Variants in DLGAP2 observed in about 807,000 individuals in gnomAD.
DLGAP2 encodes DLG associated protein 2.
In DLGAP2, 26 loss-of-function variants were observed where a neutral mutation model predicts 100.3. That is an observed-to-expected ratio of 0.26 (90% confidence interval 0.19 to 0.36). The LOEUF (loss-of-function observed/expected upper bound fraction) is 0.36. Among genes scored for constraint, DLGAP2 ranks in the 10% least tolerant of loss-of-function variants. DLGAP2 has a pLI of 1.00. For synonymous variants in DLGAP2, 886 were observed against 630.1 expected (o/e 1.41, Z -6.08); for missense variants, 1,858 against 1,453.2 (o/e 1.28, Z -4.53).
At chr8:1,277,575 A>T (rs1799728388) in intron 3 of DLGAP2, among the ~76,000 whole-genome samples, 1 of 152,224 alleles carries the variant, frequency 6.6e-6, no homozygotes, top group South Asian at 2.1e-4. Context: ...AGCCCAGCAG[A>T]TGAGTATCCC....
At chr8:782,077 G>C (rs1821704450) in intron 1 of DLGAP2, among the ~76,000 whole-genome samples, 1 of 152,008 alleles carries the variant, frequency 6.6e-6, no homozygotes, top group Non-Finnish European at 1.5e-5. Context: ...AGAAAAATTT[G>C]AATGTTTCTA....
intron 3 of DLGAP2, chr8:1,259,469 A>C (rs1412220031): frequency 6.6e-6 from 1 of 152,262 alleles, no homozygotes; most frequent in African/African-American, 2.4e-5. Flanking sequence ...GTCTAATTAG[A>C]AAGAATAAGG....
intron 2 of DLGAP2, among the ~76,000 whole-genome samples, chr8:1,175,573 A>T (rs764474012): frequency 2.0e-5 from 3 of 152,218 alleles, no homozygotes; most frequent in Non-Finnish European, 4.4e-5. Context: ...ATGCGACTCC[A>T]TTAGGACAGT....
At chr8:1,189,112 G>A (rs1296151717) in intron 2 of DLGAP2, among the ~76,000 whole-genome samples, 1 of 145,898 alleles carries the variant, frequency 6.9e-6, no homozygotes, top group Non-Finnish European at 1.5e-5. Flanking sequence ...CCTTACACAG[G>A]GTTCGGGCCC....
intron 1 of DLGAP2, among the ~76,000 whole-genome samples, chr8:839,586 G>C (rs553394460): frequency 6.6e-6 from 1 of 152,170 alleles, no homozygotes; most frequent in Admixed American, 6.5e-5. Flanking sequence ...TGGATGGGAA[G>C]AGTCTGGCCA....
rs529357975 is a variant in DLGAP2, at chr8:1,249,015, G to A, written c.74-9836G>A. On this transcript the variant is annotated intron_variant, in intron 2 of 14. Coordinates refer to ENST00000637795, the MANE Select transcript of DLGAP2 (RefSeq NM_001346810.2). ...GGACCCCGGGGACATCCCATGTTTAGGAGAGAGGCCCTTTATGCTGCTGTG... is the reference window on the plus strand; with the variant it reads ...GGACCCCGGGGACATCCCATGTTTAAGAGAGAGGCCCTTTATGCTGCTGTG... 2.0e-5 allele frequency among the ~76,000 whole-genome samples: 3 copies of A among 152,310 alleles called. No individual in the cohort carries two copies. In the East Asian group the frequency reaches 5.8e-4, roughly 29 times the overall value.
At chr8:1,066,386 T>G (rs1585028323) in intron 2 of DLGAP2, among the ~76,000 whole-genome samples, 1 of 133,792 alleles carries the variant, frequency 7.5e-6, no homozygotes, top group Non-Finnish European at 1.6e-5. Context: ...CCCACCAGGA[T>G]CAGGTCTGAG....
intron 2 of DLGAP2, among the ~76,000 whole-genome samples, chr8:998,034 CAT>C (rs762686637): frequency 1.1e-4 from 16 of 152,212 alleles, no homozygotes; most frequent in East Asian, 3.9e-4. Flanking sequence ...CATGCATAAA[CAT>C]GTGCATACAG....
chr8:1,266,476 C>A (rs1179724638), intron 3 of DLGAP2, among the ~76,000 whole-genome samples: 1 of 152,110 alleles, frequency 6.6e-6, no homozygotes, highest in Non-Finnish European at 1.5e-5. Context: ...TTATGGCCAG[C>A]CATAAATAAC....
At chr8:1,077,541 A>T (rs1458598562) in intron 2 of DLGAP2, among the ~76,000 whole-genome samples, 1 of 152,130 alleles carries the variant, frequency 6.6e-6, no homozygotes, top group African/African-American at 2.4e-5. Flanking sequence ...TCCACTGTCT[A>T]CCAGAGGTAC....
chr8:1,098,295 G>A (rs1312277800), intron 2 of DLGAP2, among the ~76,000 whole-genome samples: 1 of 152,208 alleles, frequency 6.6e-6, no homozygotes, highest in Non-Finnish European at 1.5e-5. Context: ...CGTTTTGGAT[G>A]CAAAATGGCA....
intron 2 of DLGAP2, among the ~76,000 whole-genome samples, chr8:988,629 A>G (rs1195691226): frequency 6.6e-6 from 1 of 151,728 alleles, no homozygotes; most frequent in African/African-American, 2.4e-5. Context: ...CCCCACGTGG[A>G]CCTTCTCTCC....
intron 11 of DLGAP2, among the ~76,000 whole-genome samples, chr8:1,677,356 GC>G (rs1563057133): frequency 6.6e-6 from 1 of 152,158 alleles, no homozygotes; most frequent in Non-Finnish European, 1.5e-5. Context: ...CGGGCAGGCT[GC>G]CTTCCATCCT....
intron 3 of DLGAP2, among the ~76,000 whole-genome samples, chr8:1,455,164 A>G (rs1003526358): frequency 2.6e-5 from 4 of 152,228 alleles, no homozygotes; most frequent in Non-Finnish European, 5.9e-5. Context: ...GAGCCCGTCT[A>G]AAGCCCAGAG....
chr8:990,360 C>T (rs1401701596), intron 2 of DLGAP2, among the ~76,000 whole-genome samples: 1 of 122,620 alleles, frequency 8.2e-6, no homozygotes, highest in African/African-American at 3.1e-5. Context: ...TCCCTCCTTG[C>T]CCGGACCCCC....
At chr8:1,034,579 C>T (rs1264729113) in intron 2 of DLGAP2, among the ~76,000 whole-genome samples, 3 of 87,462 alleles carry the variant, frequency 3.4e-5, no homozygotes, top group East Asian at 6.6e-4. Context: ...CATCCCGACC[C>T]CGCGTGTCAC....
chr8:1,060,442 C>A (rs1217824566), intron 2 of DLGAP2, among the ~76,000 whole-genome samples: 2 of 151,962 alleles, frequency 1.3e-5, no homozygotes, highest in Non-Finnish European at 2.9e-5. Context: ...CCTTGGTGAT[C>A]CAGGCCCATG....
intron 2 of DLGAP2, among the ~76,000 whole-genome samples, chr8:1,245,430 C>T (rs55855709): frequency 0.049 from 7,460 of 152,188 alleles, 639 homozygotes; most frequent in African/African-American, 0.17. Flanking sequence ...AATGGAGCAC[C>T]GATGCATGCT....
chr8:761,840 T>TCC (rs1286097184), intron 1 of DLGAP2, among the ~76,000 whole-genome samples: 4 of 152,208 alleles, frequency 2.6e-5, no homozygotes, highest in African/African-American at 9.7e-5. Context: ...CAGCCTGGCG[T>TCC]GCGACACCCT....
Sources: gnomAD v4.1 joint callset for allele counts (sites outside exome capture counted in the v4.1 genomes callset) on GRCh38, gnomAD v4.1.1 for gene constraint, MANE v1.5 for transcripts, NCBI Gene and HGNC (gene_info 2026-07-23, HGNC 2026-07-21) for gene names.